GRIK3: variants seen among roughly 807,000 people sequenced by gnomAD.
GRIK3 encodes the protein glutamate ionotropic receptor kainate type subunit 3.
A neutral mutation model predicts 102.5 loss-of-function variants in GRIK3; 29 were observed. The observed-to-expected ratio is 0.28, with a 90% confidence interval of 0.21 to 0.39. The LOEUF is 0.39. Among genes scored for constraint, GRIK3 ranks in the 10% least tolerant of loss-of-function variants. The probability of loss-of-function intolerance (pLI) is 1.00; values close to 1 mark genes in which losing one functional copy is unlikely to be tolerated. For synonymous variants in GRIK3, 511 were observed against 504.9 expected (o/e 1.01, Z -0.16); for missense variants, 908 against 1,252.4 (o/e 0.73, Z 4.15).
intron 3 of GRIK3, among the ~76,000 whole-genome samples, chr1:36,874,771 G>A (rs1301380990): frequency 6.6e-6 from 1 of 152,232 alleles, no homozygotes; most frequent in African/African-American, 2.4e-5. Context: ...GCTGGATGCT[G>A]GAGCAGAGGC....
At position 36,811,860 on chromosome 1, in the gene GRIK3, T is replaced by C. The variant is rs1642566728; in HGVS notation, c.2091+5200A>G. On this transcript the variant is annotated intron_variant, in intron 13 of 15. Coordinates refer to ENST00000373091, the MANE Select transcript of GRIK3 (RefSeq NM_000831.4). Reference sequence around the variant, plus strand: ...CTAATTGCTGCATGGTGAAAATAAGTATCTGTGTTGTACAGGGGAGCAAAT... The same window carrying C: ...CTAATTGCTGCATGGTGAAAATAAGCATCTGTGTTGTACAGGGGAGCAAAT... Among the ~76,000 whole-genome samples the C allele has an allele frequency of 2.0e-5, 3 of 152,178 alleles. 1 individual carries two copies. The highest frequency in any genetic ancestry group is 4.1e-4 in the South Asian group (2 of 4,828).
In GRIK3 at chr1:36,819,976, CT is replaced by C; in HGVS notation, c.1755-123del. On this transcript the variant is annotated intron_variant, in intron 11 of 15. Transcript: ENST00000373091. This position sits in a 1 kb window ranked among gnomAD's most constrained non-coding sequence, Gnocchi z 4.1. ...CAGCGTCAATATCCTCATGGTTCTG[CT>C]GGGAGGCAGGGCAGGGGAATTTCTT... is the stretch of plus-strand genomic sequence containing the variant. 2 of 633,080 alleles carry C rather than the reference CT, an allele frequency of 3.2e-6. No individual in the cohort carries two copies. Among genetic ancestry groups the C allele is most frequent in the Admixed American group, 2.5e-5 (1 of 40,202 alleles). The allele number at this position is 633,080 out of a possible 1,614,324, so 39.2% of individuals were successfully genotyped here.
chr1:36,884,127 A>G (rs1318033694), intron 2 of GRIK3, among the ~76,000 whole-genome samples: 1 of 152,146 alleles, frequency 6.6e-6, no homozygotes, highest in Non-Finnish European at 1.5e-5. Context: ...GCAGGAGAGC[A>G]CATACAACGG....
chr1:36,813,219 G>A (rs57828054), intron 13 of GRIK3, among the ~76,000 whole-genome samples: 18,426 of 152,196 alleles, frequency 0.12, 1,210 homozygotes, highest in Non-Finnish European at 0.15. Flanking sequence ...CCTTCCTTTC[G>A]TCATGTTTCA....
chr1:36,980,117 C>T (rs1642234267), intron 1 of GRIK3, among the ~76,000 whole-genome samples: 1 of 152,156 alleles, frequency 6.6e-6, no homozygotes, highest in South Asian at 2.1e-4. Context: ...GTAGTGGAAC[C>T]AGCAGAAGCA....
At chr1:36,871,002 G>A (rs1640836616) in intron 4 of GRIK3, among the ~76,000 whole-genome samples, 1 of 152,164 alleles carries the variant, frequency 6.6e-6, no homozygotes, top group Non-Finnish European at 1.5e-5. Context: ...TGGGGCATGC[G>A]TGTTTCCTCG....
At chr1:36,984,576 T>C (rs967780531) in intron 1 of GRIK3, among the ~76,000 whole-genome samples, 5 of 152,028 alleles carry the variant, frequency 3.3e-5, no homozygotes, top group Admixed American at 6.6e-5. Context: ...GACAGCGAGG[T>C]GTCTTTGGGG....
chr1:36,932,736 C>T (rs567304018), intron 1 of GRIK3, among the ~76,000 whole-genome samples: 2 of 152,328 alleles, frequency 1.3e-5, no homozygotes, highest in African/African-American at 2.4e-5. Context: ...TCATTCTCTA[C>T]ATTTTTGAAG....
chr1:36,909,367 C>T (rs1418804419), intron 1 of GRIK3, among the ~76,000 whole-genome samples: 2 of 151,044 alleles, frequency 1.3e-5, no homozygotes, highest in South Asian at 4.2e-4. Flanking sequence ...GGCACAATCT[C>T]GGTTCACTGC....
intron 1 of GRIK3, among the ~76,000 whole-genome samples, chr1:36,962,500 G>A (rs1175579796): frequency 2.0e-5 from 3 of 151,926 alleles, no homozygotes; most frequent in Non-Finnish European, 2.9e-5. Flanking sequence ...GACAGGAAAG[G>A]GACTGAGGGC....
chr1:36,984,484 CA>C (rs1414798493), intron 1 of GRIK3, among the ~76,000 whole-genome samples: 5 of 152,334 alleles, frequency 3.3e-5, no homozygotes, highest in African/African-American at 1.2e-4. Flanking sequence ...GATCCTCCTC[CA>C]AATCCACAAA....
chr1:36,818,328 C>T (rs1048607800), intron 12 of GRIK3, among the ~76,000 whole-genome samples: 1 of 152,158 alleles, frequency 6.6e-6, no homozygotes, highest in African/African-American at 2.4e-5. Context: ...GACAAAAAAA[C>T]AAGGTGAGGC....
intron 1 of GRIK3, among the ~76,000 whole-genome samples, chr1:37,028,398 A>G (rs1642785346): frequency 6.6e-6 from 1 of 152,114 alleles, no homozygotes; most frequent in African/African-American, 2.4e-5. Flanking sequence ...AGCAGAGTCC[A>G]GAAGCCAGGA....
intron 10 of GRIK3, among the ~76,000 whole-genome samples, chr1:36,834,188 G>A (rs942637424): frequency 1.3e-5 from 2 of 152,172 alleles, no homozygotes; most frequent in African/African-American, 2.4e-5. Flanking sequence ...CTGTGTCCAC[G>A]GCTGCTAGCA....
At chr1:37,028,480 C>T (rs181741823) in intron 1 of GRIK3, among the ~76,000 whole-genome samples, 18 of 152,240 alleles carry the variant, frequency 1.2e-4, no homozygotes, top group Admixed American at 5.2e-4. Flanking sequence ...ACACCTGGGC[C>T]CTGGAGGAGG....
Position 36,859,209 on chromosome 1 carries a change from C to G in GRIK3, c.1003G>C (p.Val335Leu), listed in dbSNP as rs762150179. 2.5e-6 allele frequency: 4 copies of G among 1,613,690 alleles called. No homozygotes were observed. The East Asian group carries it at 8.9e-5, about 36-fold the overall frequency. Residue 335 changes from valine (V) to leucine (L), a missense_variant, in exon 7 of 16, where the codon GTG (valine) becomes CTG (leucine). Val to Leu is a conservative substitution (Grantham distance 32). Transcript: ENST00000373091. ...ATCTGTGGTGCCCGCTGGTAGCACA[C>G]GGACACGATATGGACGGCGTCGTAC... ...LLYDAVHIVS[V>L]CYQRAPQMTV...
At chr1:36,833,621 C>T (rs574465854) in intron 10 of GRIK3, among the ~76,000 whole-genome samples, 2 of 152,326 alleles carry the variant, frequency 1.3e-5, no homozygotes, top group East Asian at 3.9e-4. Context: ...AGGTTGGGGC[C>T]AACACATGCA....
chr1:36,831,605 C>T lies in GRIK3; in HGVS notation c.1531-5779G>A, dbSNP rs190080951. ...AAAAAATTCTTACTAGGGTTGCTTA[C>T]AGTCATGCGTGATCTAGTCCAGTGC... On this transcript the variant is annotated intron_variant, in intron 10 of 15. Coordinates refer to ENST00000373091, the MANE Select transcript of GRIK3 (RefSeq NM_000831.4). Among the ~76,000 whole-genome samples the T allele has an allele frequency of 7.4e-4, 112 of 152,312 alleles. 1 individual carries two copies. The highest frequency in any genetic ancestry group is 2.5e-3 in the African/African-American group (104 of 41,564).
intron 1 of GRIK3, among the ~76,000 whole-genome samples, chr1:36,894,284 T>C (rs909890757): frequency 4.6e-5 from 7 of 152,250 alleles, no homozygotes; most frequent in African/African-American, 1.7e-4. Flanking sequence ...CTTTTTGTAT[T>C]TCGTGTGCTT....
Sources: gnomAD v4.1 joint callset for allele counts (sites outside exome capture counted in the v4.1 genomes callset) on GRCh38, gnomAD v4.1.1 for gene constraint, Gnocchi (gnomAD v3.1) non-coding constraint, MANE v1.5 for transcripts, NCBI Gene and HGNC (gene_info 2026-07-23, HGNC 2026-07-21) for gene names.